Variants in LRRC4C observed in about 807,000 individuals in gnomAD.
LRRC4C encodes the protein leucine rich repeat containing 4C.
Under a neutral mutation model 33.6 loss-of-function variants are expected in LRRC4C, and 5 were observed. That is an observed-to-expected ratio of 0.15 (90% CI 0.08 to 0.31). LRRC4C has a LOEUF of 0.31. Ranked by LOEUF, LRRC4C falls within the 10% of genes least tolerant of loss-of-function variation. The pLI is 1.00. For missense variants in LRRC4C, 560 were observed against 796.7 expected, an observed-to-expected ratio of 0.70 and a Z score of 3.58; for synonymous variants, 329 against 302.0, an observed-to-expected ratio of 1.09 and a Z score of -0.93.
chr11:40,351,525 C>T (rs1303850), intron 3 of LRRC4C: 97,469 of 151,812 alleles, frequency 0.64, 31,938 homozygotes, highest in East Asian at 0.84. Flanking sequence ...ATTGTTGTAC[C>T]GAGGTCTGTC....
At chr11:40,216,019 T>C (rs1379909654) in intron 5 of LRRC4C, among the ~76,000 whole-genome samples, 1 of 152,094 alleles carries the variant, frequency 6.6e-6, no homozygotes, top group Admixed American at 6.5e-5. Context: ...TAATCTGTAT[T>C]TTTTGTGAAT....
At chr11:41,361,818 G>T (rs1330053197) in intron 1 of LRRC4C, among the ~76,000 whole-genome samples, 1 of 151,986 alleles carries the variant, frequency 6.6e-6, no homozygotes, top group Non-Finnish European at 1.5e-5. Context: ...TTATTTTAAT[G>T]CCAACTATTA....
chr11:41,176,208 A>G (rs1945191474), intron 1 of LRRC4C, among the ~76,000 whole-genome samples: 2 of 152,182 alleles, frequency 1.3e-5, no homozygotes, highest in Admixed American at 6.5e-5. Flanking sequence ...ATATTTCTTC[A>G]CCAGTTAATT....
chr11:40,460,741 G>C (rs974042577), intron 3 of LRRC4C, among the ~76,000 whole-genome samples: 1 of 152,068 alleles, frequency 6.6e-6, no homozygotes, highest in Non-Finnish European at 1.5e-5. Context: ...ACGAAGACAG[G>C]GGCTTTGCCT....
At chr11:41,223,475 A>G (rs1947395613) in intron 1 of LRRC4C, among the ~76,000 whole-genome samples, 1 of 152,152 alleles carries the variant, frequency 6.6e-6, no homozygotes, top group African/African-American at 2.4e-5. Flanking sequence ...CCATCAATAC[A>G]TTATCTCCTT....
At chr11:41,295,856 T>G (rs1950126940) in intron 1 of LRRC4C, among the ~76,000 whole-genome samples, 1 of 152,236 alleles carries the variant, frequency 6.6e-6, no homozygotes, top group African/African-American at 2.4e-5. Context: ...AGACATCTAT[T>G]GGCAAGTTTG....
intron 1 of LRRC4C, among the ~76,000 whole-genome samples, chr11:41,382,335 C>T (rs971418350): frequency 1.3e-5 from 2 of 151,968 alleles, no homozygotes; most frequent in Non-Finnish European, 2.9e-5. Context: ...CAAAGTGATG[C>T]TAGGATTGTA....
intron 3 of LRRC4C, among the ~76,000 whole-genome samples, chr11:40,369,202 T>G (rs1398322261): frequency 6.6e-6 from 1 of 152,118 alleles, no homozygotes; most frequent in Non-Finnish European, 1.5e-5. Context: ...CAAATGAGAA[T>G]TATATGAGAT....
At chr11:40,611,961 T>C (rs1961264736) in intron 3 of LRRC4C, among the ~76,000 whole-genome samples, 1 of 151,828 alleles carries the variant, frequency 6.6e-6, no homozygotes, top group South Asian at 2.1e-4. Flanking sequence ...CCACTATCTA[T>C]CTGTCTGAAA....
intron 2 of LRRC4C, among the ~76,000 whole-genome samples, chr11:40,753,718 G>A (rs370692685): frequency 6.6e-6 from 1 of 151,622 alleles, no homozygotes; most frequent in South Asian, 2.1e-4. Context: ...ATTCTAAAGT[G>A]CGTCATATTC....
intron 3 of LRRC4C, among the ~76,000 whole-genome samples, chr11:40,389,864 C>T (rs181709309): frequency 1.3e-4 from 20 of 152,222 alleles, no homozygotes; most frequent in African/African-American, 4.6e-4. Context: ...TGTAAATGAT[C>T]AGAAAGGATT....
intron 1 of LRRC4C, among the ~76,000 whole-genome samples, chr11:40,984,363 A>AAG (rs1555027379): frequency 2.0e-3 from 235 of 120,400 alleles, no homozygotes; most frequent in Non-Finnish European, 3.7e-3. Context: ...AAAGAAAGAA[A>AAG]AAAGAAAGAA....
At chr11:41,298,766 A>T (rs1437211242) in intron 1 of LRRC4C, among the ~76,000 whole-genome samples, 1 of 152,186 alleles carries the variant, frequency 6.6e-6, no homozygotes, top group Non-Finnish European at 1.5e-5. Flanking sequence ...TGTACCCATT[A>T]AGTAATTTCT....
At chr11:40,150,878 A>G (rs926928195) in intron 5 of LRRC4C, among the ~76,000 whole-genome samples, 1 of 152,130 alleles carries the variant, frequency 6.6e-6, no homozygotes, top group Non-Finnish European at 1.5e-5. Flanking sequence ...AGAATTTGTT[A>G]TGGAGGTAGA....
chr11:40,566,601 T>C (rs1323474075), intron 3 of LRRC4C, among the ~76,000 whole-genome samples: 2 of 152,080 alleles, frequency 1.3e-5, no homozygotes, highest in African/African-American at 4.8e-5. Context: ...TTGTATGAAA[T>C]AATGGAACTA....
intron 2 of LRRC4C, among the ~76,000 whole-genome samples, chr11:40,810,113 G>T (rs1368867932): frequency 6.6e-6 from 1 of 152,032 alleles, no homozygotes; most frequent in Non-Finnish European, 1.5e-5. Context: ...ACTTTGTATG[G>T]ATTTCCAACT....
chr11:41,317,600 T>C, intron 1 of LRRC4C, among the ~76,000 whole-genome samples: 1 of 152,238 alleles, frequency 6.6e-6, no homozygotes, highest in South Asian at 2.1e-4. Flanking sequence ...ATAGTTAAAC[T>C]AGTCCATTTA....
intron 1 of LRRC4C, among the ~76,000 whole-genome samples, chr11:40,955,195 G>T (rs1209217072): frequency 2.0e-5 from 3 of 151,730 alleles, no homozygotes; most frequent in African/African-American, 7.3e-5. Flanking sequence ...ACTATTCAAG[G>T]GTCTAAAAAC....
intron 1 of LRRC4C, among the ~76,000 whole-genome samples, chr11:41,292,191 C>A (rs1216337556): frequency 6.6e-6 from 1 of 152,118 alleles, no homozygotes; most frequent in Admixed American, 6.5e-5. Context: ...AGCTATTTGA[C>A]TCACTTTAGC....
Sources: gnomAD v4.1 joint callset for allele counts (sites outside exome capture counted in the v4.1 genomes callset) on GRCh38, gnomAD v4.1.1 for gene constraint, MANE v1.5 for transcripts, NCBI Gene and HGNC (gene_info 2026-07-23, HGNC 2026-07-21) for gene names.